The following CPOX variants were observed in gnomAD, a reference collection of about 807,000 sequenced individuals.
CPOX encodes coproporphyrinogen oxidase.
CPOX carries 24 observed loss-of-function variants against 48.9 expected under a neutral mutation model. The observed-to-expected ratio is 0.49, with a 90% CI of 0.36 to 0.69. CPOX has a LOEUF of 0.69. CPOX is among the 30% of genes least tolerant of loss of function. The pLI is 0.00. For missense variants in CPOX, 549 were observed against 597.3 expected, an observed-to-expected ratio of 0.92 and a Z score of 0.84; for synonymous variants, 249 against 234.6, an observed-to-expected ratio of 1.06 and a Z score of -0.56.
intron 1 of CPOX, 111 bp from the exon 2 acceptor site, chr3:98,591,266 G>A: frequency 8.8e-7 from 1 of 1,141,484 alleles, no homozygotes; most frequent in Non-Finnish European, 1.3e-6. Flanking sequence ...TTATATCAGT[G>A]TATTTATCAT....
the CPOX span, among the ~76,000 whole-genome samples, chr3:98,571,635 C>A: frequency 6.8e-6 from 1 of 147,502 alleles, no homozygotes; most frequent in East Asian, 2.0e-4. Flanking sequence ...TTGCAGTGAG[C>A]CGAGATCCCG....
intron 4 of CPOX, among the ~76,000 whole-genome samples, chr3:98,586,436 A>C (rs985147171): frequency 6.6e-6 from 1 of 152,140 alleles, no homozygotes; most frequent in Admixed American, 6.5e-5. Context: ...TACTATAAAC[A>C]ATCTCTCAGG....
chr3:98,580,953 C>T (rs1180934467), intron 6 of CPOX, among the ~76,000 whole-genome samples, 183 bp from the exon 7 acceptor site: 1 of 151,764 alleles, frequency 6.6e-6, no homozygotes, highest in Non-Finnish European at 1.5e-5. Context: ...ATTTGCCAAA[C>T]AAATAGTTTC....
the CPOX span, among the ~76,000 whole-genome samples, chr3:98,571,923 T>C: frequency 6.6e-6 from 1 of 152,162 alleles, no homozygotes; most frequent in East Asian, 1.9e-4. Context: ...TAGAGAATAT[T>C]GTCAGTATAG....
intron 5 of CPOX, 117 bp downstream of exon 5, chr3:98,585,324 T>C (rs1053450493): frequency 4.8e-6 from 4 of 835,420 alleles, no homozygotes; most frequent in Non-Finnish European, 8.3e-6. Flanking sequence ...TATTCATCTA[T>C]GAAAAGAAAT....
At chr3:98,572,684 A>C in the CPOX span, among the ~76,000 whole-genome samples, 4 of 152,176 alleles carry the variant, frequency 2.6e-5, no homozygotes, top group Non-Finnish European at 4.4e-5. Context: ...GACAGTGTCC[A>C]TTAGTTTTCT....
At chr3:98,576,106 T>C (rs1185941914), downstream of CPOX, among the ~76,000 whole-genome samples, 1 of 143,658 alleles carries the variant, frequency 7.0e-6, no homozygotes, top group Non-Finnish European at 1.5e-5. Flanking sequence ...AAGCAACTTG[T>C]AGAAACAGGT....
intron 5 of CPOX, among the ~76,000 whole-genome samples, chr3:98,583,758 G>A (rs3828372): frequency 0.55 from 83,931 of 152,000 alleles, 24,574 homozygotes; most frequent in South Asian, 0.69. Context: ...GGGTGAAGAC[G>A]AGGCAAAGTG....
rs1707240060 is a variant in CPOX at position 98,580,631 on chromosome 3, G to A, written c.*52C>T. 3 of 1,611,272 alleles carry A rather than the reference G, an allele frequency of 1.9e-6. No individual in the cohort carries two copies. Among genetic ancestry groups the A allele is most frequent in the East Asian group, 4.5e-5 (2 of 44,824 alleles). On this transcript the variant is annotated 3_prime_UTR_variant, in exon 7 of 7. Transcript: ENST00000647941. ...TGGCAAAGTGCCGACCAGTGGCATG[G>A]GGAGCACACATCGTGTGCCCTCCAA...
At position 98,581,427 on chromosome 3, in the gene CPOX, C is replaced by T. The variant is rs755013367; in HGVS notation, c.1257G>A (p.Met419Ile). The change falls in exon 6 of 7, where the codon ATG (methionine) becomes ATA (isoleucine). Residue 419 changes from methionine (M) to isoleucine (I), a missense_variant. Transcript: ENST00000647941. ...TPGSRIESIL[M>I]SLPLTARWEY... is the part of the protein sequence containing the mutation. Reference sequence around the variant, plus strand: ...CTTACCGGGCAGTTAGAGGTAAAGACATCAAGATACTTTCAATTCTGGATC... The same window carrying T: ...CTTACCGGGCAGTTAGAGGTAAAGATATCAAGATACTTTCAATTCTGGATC... 8 of 1,613,380 alleles carry T rather than the reference C, an allele frequency of 5.0e-6. No individual in the cohort carries two copies. In the East Asian group the frequency reaches 8.9e-5, roughly 18 times the overall value.
downstream of CPOX, among the ~76,000 whole-genome samples, chr3:98,576,766 T>C (rs1559671718): frequency 6.6e-6 from 1 of 152,202 alleles, no homozygotes; most frequent in Non-Finnish European, 1.5e-5. Context: ...TTAGAGATAC[T>C]GGGAACTTCT....
Position 98,585,477 on chromosome 3 carries a change from G to A in CPOX, c.1136C>T (p.Pro379Leu), listed in dbSNP as rs150235153. The change falls in exon 5 of 7, where the codon CCC (proline) becomes CTC (leucine). Residue 379 changes from proline to leucine, a missense_variant. By Grantham distance (98) the Pro-to-Leu change is moderately conservative. Coordinates refer to ENST00000647941, the MANE Select transcript of CPOX (RefSeq NM_000097.7). The stretch of plus-strand genomic sequence containing the variant: ...GAGCTGCTGCCACAGCTTCTCCTGG[G>A]GGGTGAATGAGTCATCACAGTGCTT... ...VKKHCDDSFTPQEKLWQQLRR... is the reference protein window; with the variant it reads ...VKKHCDDSFTLQEKLWQQLRR... The A allele has an allele frequency of 4.3e-6, 7 of 1,613,920 alleles. No individual in the cohort carries two copies. The African/African-American group carries it at 6.7e-5, about 15-fold the overall frequency.
chr3:98,578,448 A>G (rs972973581), downstream of CPOX, among the ~76,000 whole-genome samples: 3 of 152,210 alleles, frequency 2.0e-5, no homozygotes, highest in Non-Finnish European at 4.4e-5. Flanking sequence ...TTTTCCTAGT[A>G]TTAGATTTAT....
chr3:98,574,619 T>A (rs1707132971), downstream of CPOX, among the ~76,000 whole-genome samples: 1 of 152,244 alleles, frequency 6.6e-6, no homozygotes, highest in South Asian at 2.1e-4. Context: ...TTTCGCGCCG[T>A]CGCGCAGGCT....
chr3:98,575,964 C>T (rs1266586740), downstream of CPOX, among the ~76,000 whole-genome samples: 1 of 146,264 alleles, frequency 6.8e-6, no homozygotes, highest in Non-Finnish European at 1.5e-5. Context: ...CCCAGCTACT[C>T]GGGAGGCTGA....
Position 98,593,580 on chromosome 3 carries a change from G to A in CPOX, c.-76C>T, listed in dbSNP as rs1707535671. 7.1e-7 allele frequency: 1 copy of A among 1,414,780 alleles called. No homozygotes were observed. The highest frequency in any genetic ancestry group is 2.3e-5 in the Admixed American group (1 of 43,994). The allele number at this position is 1,414,780 out of a possible 1,614,324, so 87.6% of individuals were successfully genotyped here. A position where few individuals can be genotyped will look rare whatever the true frequency, so the allele number is the denominator to read the frequency against. ...TGAGCCCCCCACCCAGACCCCCGGA[G>A]TATTGAGCCGGCGAGCTGCACAGGC... On this transcript the variant is annotated 5_prime_UTR_variant, in exon 1 of 7. Coordinates refer to ENST00000647941, the MANE Select transcript of CPOX (RefSeq NM_000097.7).
At chr3:98,585,688 G>A (rs762633981) in intron 4 of CPOX, 29 bp from the exon 5 acceptor site, 2 of 1,548,592 alleles carry the variant, frequency 1.3e-6, no homozygotes, top group East Asian at 4.5e-5. Flanking sequence ...CCAAACCAGG[G>A]ATCAAATGGA....
Position 98,593,376 on chromosome 3 carries a change from T to G in CPOX, c.129A>C (p.Ala43=). The G allele has an allele frequency of 7.4e-7, 1 of 1,346,800 alleles. No individual in the cohort carries two copies. Among genetic ancestry groups the G allele is most frequent in the Non-Finnish European group, 9.4e-7 (1 of 1,061,098 alleles). 83.4% of individuals were successfully genotyped at this position (1,346,800 alleles called of 1,614,324 possible). A position where few individuals can be genotyped will look rare whatever the true frequency, so the allele number is the denominator to read the frequency against. Residue 43 remains alanine (A), a synonymous_variant, in exon 1 of 7, where the codon GCA becomes GCC. Transcript: ENST00000647941. ...GGLRAWSQRS[A]AGRVCRPPGP... is the part of the protein sequence containing the mutation. ...CAGGGGGCCGGCAGACGCGTCCGGC[T>G]GCGCTGCGCTGGGACCAGGCTCGGA...
At chr3:98,578,823 T>C (rs566681129), downstream of CPOX, among the ~76,000 whole-genome samples, 1 of 152,372 alleles carries the variant, frequency 6.6e-6, no homozygotes, top group Admixed American at 6.5e-5. Flanking sequence ...AAGTTGTTTA[T>C]CTGCTCACCT....
Sources: allele counts gnomAD v4.1 joint callset (sites outside exome capture counted in the v4.1 genomes callset), GRCh38; gene constraint gnomAD v4.1.1; transcripts MANE v1.5; gene names NCBI Gene and HGNC (gene_info 2026-07-23, HGNC 2026-07-21).